The following SCD5 variants were observed in gnomAD, a reference collection of about 807,000 sequenced individuals.
SCD5 encodes the protein stearoyl-CoA desaturase 5.
Under a neutral mutation model 30.4 loss-of-function variants are expected in SCD5, and 20 were observed. That is an observed-to-expected ratio of 0.66 (90% CI 0.46 to 0.96). The LOEUF is 0.96. Ranked by LOEUF, SCD5 falls within the 40% of genes least tolerant of loss-of-function variation. The probability of loss-of-function intolerance (pLI) is 0.00; values close to 1 mark genes in which losing one functional copy is unlikely to be tolerated. For missense variants in SCD5, 381 were observed against 443.3 expected (o/e 0.86, Z 1.26); for synonymous variants, 173 against 176.4 (o/e 0.98, Z 0.16).
intron 3 of SCD5, among the ~76,000 whole-genome samples, chr4:82,638,417 A>C (rs1195924045): frequency 6.6e-6 from 1 of 152,186 alleles, no homozygotes; most frequent in Non-Finnish European, 1.5e-5. Context: ...CCATGACTGC[A>C]TGCATTAATG....
At chr4:82,768,408 A>G (rs1560558122) in intron 1 of SCD5, among the ~76,000 whole-genome samples, 1 of 152,218 alleles carries the variant, frequency 6.6e-6, no homozygotes, top group Non-Finnish European at 1.5e-5. Flanking sequence ...AATAAGGAAC[A>G]ATATTCTAGT....
chr4:82,659,861 T>G (rs1727945415), intron 3 of SCD5: 1 of 151,956 alleles, frequency 6.6e-6, no homozygotes, highest in Non-Finnish European at 1.5e-5. Flanking sequence ...ATGCCCCAAT[T>G]AAAAGACACA....
chr4:82,790,183 C>A (rs535363889), intron 1 of SCD5, among the ~76,000 whole-genome samples: 1 of 152,266 alleles, frequency 6.6e-6, no homozygotes, highest in East Asian at 1.9e-4. Flanking sequence ...CCGACAAGTG[C>A]TGGTCTAGAA....
intron 3 of SCD5, among the ~76,000 whole-genome samples, chr4:82,665,039 C>CAA (rs2148817775): frequency 6.6e-5 from 1 of 15,128 alleles, no homozygotes; most frequent in East Asian, 0.029. Flanking sequence ...CACACACACA[C>CAA]ACACACATAT....
intron 1 of SCD5, among the ~76,000 whole-genome samples, chr4:82,710,209 C>T (rs1388556609): frequency 6.6e-6 from 1 of 152,192 alleles, no homozygotes; most frequent in Non-Finnish European, 1.5e-5. Flanking sequence ...AAAACCAGGG[C>T]TGAGAAACTC....
Position 82,796,130 on chromosome 4 carries a change from C to T in SCD5, c.232+2176G>A, listed in dbSNP as rs528862784. Reference sequence around the variant, plus strand: ...CTAAAAATACAAAAAATTAGCCGGGCGTGGTGGCGGGCACCTGTAATCCCA... The same window carrying T: ...CTAAAAATACAAAAAATTAGCCGGGTGTGGTGGCGGGCACCTGTAATCCCA... On this transcript the variant is annotated intron_variant, in intron 1 of 4. Coordinates refer to ENST00000319540, the MANE Select transcript of SCD5 (RefSeq NM_001037582.3). Among the ~76,000 whole-genome samples the T allele has an allele frequency of 3.4e-4, 51 of 151,606 alleles. 2 individuals are homozygous for T. In the East Asian group the frequency reaches 6.5e-3, roughly 19 times the overall value.
intron 1 of SCD5, among the ~76,000 whole-genome samples, chr4:82,766,294 C>T (rs1721483312): frequency 6.6e-6 from 1 of 152,130 alleles, no homozygotes; most frequent in African/African-American, 2.4e-5. Flanking sequence ...AGTGTTTTTC[C>T]CTCCGTGTAC....
chr4:82,696,006 A>T, intron 2 of SCD5, among the ~76,000 whole-genome samples: 1 of 152,180 alleles, frequency 6.6e-6, no homozygotes, highest in Admixed American at 6.5e-5. Context: ...TAAGCTCCTC[A>T]TCCAAGGGCC....
At chr4:82,766,097 A>G (rs1324639467) in intron 1 of SCD5, among the ~76,000 whole-genome samples, 1 of 152,110 alleles carries the variant, frequency 6.6e-6, no homozygotes, top group African/African-American at 2.4e-5. Flanking sequence ...TATTTCTTGT[A>G]TTTATAGTTT....
At chr4:82,736,867 T>A (rs2148837549) in intron 1 of SCD5, among the ~76,000 whole-genome samples, 1 of 152,256 alleles carries the variant, frequency 6.6e-6, no homozygotes, top group Admixed American at 6.5e-5. Context: ...GGTCTTGCCA[T>A]GTTGCCCAGG....
intron 1 of SCD5, among the ~76,000 whole-genome samples, chr4:82,770,917 G>A (rs527861814): frequency 1.3e-5 from 2 of 152,162 alleles, no homozygotes; most frequent in Non-Finnish European, 2.9e-5. Flanking sequence ...CCAGACAGAT[G>A]GCCCCAGTAG....
intron 3 of SCD5, among the ~76,000 whole-genome samples, chr4:82,661,510 A>T (rs1578010064): frequency 6.6e-6 from 1 of 152,154 alleles, no homozygotes; most frequent in Admixed American, 6.5e-5. Context: ...TTTAAAAGGG[A>T]CTCAGCCTTA....
intron 1 of SCD5, among the ~76,000 whole-genome samples, chr4:82,751,113 C>T (rs1721092659): frequency 6.6e-6 from 1 of 152,096 alleles, no homozygotes; most frequent in Non-Finnish European, 1.5e-5. Context: ...CATCATAAAG[C>T]ATACAATAAG....
intron 1 of SCD5, among the ~76,000 whole-genome samples, chr4:82,741,004 A>G (rs2148838864): frequency 6.6e-6 from 1 of 151,556 alleles, no homozygotes; most frequent in Admixed American, 6.6e-5. Flanking sequence ...GTGCAATCAC[A>G]GCTCACTGCA....
chr4:82,651,959 A>G (rs1419679188), intron 3 of SCD5, among the ~76,000 whole-genome samples: 1 of 152,198 alleles, frequency 6.6e-6, no homozygotes, highest in Admixed American at 6.5e-5. Context: ...AAAAAACAAT[A>G]AGAACATTCT....
intron 1 of SCD5, among the ~76,000 whole-genome samples, chr4:82,756,202 T>G (rs749854991): frequency 6.6e-6 from 1 of 152,154 alleles, no homozygotes; most frequent in Non-Finnish European, 1.5e-5. Flanking sequence ...CATCACCCAC[T>G]CGGTCACCCA....
At chr4:82,747,069 G>GGCCCCCCCCC (rs1553918953) in intron 1 of SCD5, among the ~76,000 whole-genome samples, 1 of 139,808 alleles carries the variant, frequency 7.2e-6, no homozygotes, top group Non-Finnish European at 1.6e-5. Flanking sequence ...TGGGCAACCT[G>GGCCCCCCCCC]CCCCCCAAGA....
intron 1 of SCD5, among the ~76,000 whole-genome samples, chr4:82,720,585 G>A (rs1425254781): frequency 1.3e-5 from 2 of 151,882 alleles, no homozygotes; most frequent in African/African-American, 4.8e-5. Context: ...ATAAATGCAG[G>A]TTAGAGGGGG....
intron 1 of SCD5, chr4:82,753,219 T>C: frequency 9.4e-6 from 4 of 423,434 alleles, no homozygotes; most frequent in South Asian, 1.7e-5. Flanking sequence ...GAGAGTTACC[T>C]GGGGAGCTTT....
Sources: allele counts gnomAD v4.1 joint callset (sites outside exome capture counted in the v4.1 genomes callset), GRCh38; gene constraint gnomAD v4.1.1; transcripts MANE v1.5; gene names NCBI Gene and HGNC (gene_info 2026-07-23, HGNC 2026-07-21).